UNC5A: variants seen among roughly 807,000 people sequenced by gnomAD.
UNC5A encodes unc-5 netrin receptor A.
Under a neutral mutation model 87.4 loss-of-function variants are expected in UNC5A, and 20 were observed. The ratio of observed to expected loss-of-function variants is 0.23; its 90% CI spans 0.16 to 0.33. UNC5A has a LOEUF of 0.33. Among genes scored for constraint, UNC5A ranks in the 10% least tolerant of loss-of-function variants. The pLI is 1.00. For synonymous variants in UNC5A, 438 were observed against 482.3 expected, an observed-to-expected ratio of 0.91 and a Z score of 1.20; for missense variants, 844 against 1,133.4, an observed-to-expected ratio of 0.74 and a Z score of 3.67.
intron 1 of UNC5A, among the ~76,000 whole-genome samples, chr5:176,835,292 G>A (rs1192942781): frequency 6.6e-6 from 1 of 152,246 alleles, no homozygotes; most frequent in Non-Finnish European, 1.5e-5. Flanking sequence ...AGCAGGCCCT[G>A]GGGGCTCAGG....
At chr5:176,836,037 C>T (rs1036695352) in intron 1 of UNC5A, among the ~76,000 whole-genome samples, 4 of 152,140 alleles carry the variant, frequency 2.6e-5, no homozygotes, top group Admixed American at 1.3e-4. Flanking sequence ...GCAGTTAAAT[C>T]GAAACTCTCC....
intron 1 of UNC5A, among the ~76,000 whole-genome samples, chr5:176,829,584 A>G (rs552972297): frequency 7.0e-6 from 1 of 142,796 alleles, no homozygotes; most frequent in East Asian, 2.2e-4. Context: ...ATGGATGGAT[A>G]AAGTAGGTGG....
At chr5:176,853,875 C>T (rs1274203053) in intron 1 of UNC5A, among the ~76,000 whole-genome samples, 2 of 152,076 alleles carry the variant, frequency 1.3e-5, no homozygotes, top group African/African-American at 4.8e-5. Context: ...ACCAAGGGGA[C>T]GGGAAGGGGA....
chr5:176,835,345 C>A (rs1002515979), intron 1 of UNC5A, among the ~76,000 whole-genome samples: 1 of 152,208 alleles, frequency 6.6e-6, no homozygotes, highest in Admixed American at 6.5e-5. Flanking sequence ...GAACAGAGGC[C>A]GCTTGCCCAG....
rs1477007386 is a variant in UNC5A at position 176,875,845 on chromosome 5, G to T, written c.1378+1279G>T. On this transcript the variant is annotated intron_variant, in intron 8 of 14. Transcript: ENST00000329542. This position sits in a 1 kb window ranked among gnomAD's most constrained non-coding sequence, Gnocchi z 5.2. Reference sequence around the variant, plus strand: ...CTGCCCCTCCCACCAGCTCAGCTGGGACTTCTCTTTTGGGTCCCCGCCTGA... The same window carrying T: ...CTGCCCCTCCCACCAGCTCAGCTGGTACTTCTCTTTTGGGTCCCCGCCTGA... Among the ~76,000 whole-genome samples, 1 of 152,222 alleles carries T rather than the reference G, an allele frequency of 6.6e-6. No individual in the cohort carries two copies. Among genetic ancestry groups the T allele is most frequent in the Non-Finnish European group, 1.5e-5 (1 of 68,038 alleles).
intron 1 of UNC5A, among the ~76,000 whole-genome samples, chr5:176,817,018 A>G (rs1207556777): frequency 6.6e-6 from 1 of 152,178 alleles, no homozygotes; most frequent in Non-Finnish European, 1.5e-5. Flanking sequence ...GGGGAGCCAC[A>G]CAGAGCTCTG....
At position 176,837,151 on chromosome 5, in the gene UNC5A, T is replaced by A. The variant is rs572360255; in HGVS notation, c.71-25473T>A. Among the ~76,000 whole-genome samples the A allele has an allele frequency of 2.0e-5, 3 of 152,188 alleles. No individual in the cohort carries two copies. In the South Asian group the frequency reaches 6.2e-4, roughly 32 times the overall value. On this transcript the variant is annotated intron_variant, in intron 1 of 14. Transcript: ENST00000329542. Reference sequence around the variant, plus strand: ...CCCCATTGCTGCTCCCATAGCCCCTTTAAACTCCATGCTGTGGAGTTCCCC... The same window carrying A: ...CCCCATTGCTGCTCCCATAGCCCCTATAAACTCCATGCTGTGGAGTTCCCC...
rs534732272 is a variant in UNC5A, at chr5:176,833,632, A to C, written c.70+22812A>C. On this transcript the variant is annotated intron_variant, in intron 1 of 14. Transcript: ENST00000329542. ...CAGCTTCCTCTCCCTGACAGGTTCA[A>C]GCATAGCCCATGAGTCTCTGCCCTT... is the stretch of plus-strand genomic sequence containing the variant. Among the ~76,000 whole-genome samples, 4 of 152,260 alleles carry C rather than the reference A, an allele frequency of 2.6e-5. No homozygotes were observed. The South Asian group carries it at 8.3e-4, about 32-fold the overall frequency.
At chr5:176,836,038 G>A (rs561251638) in intron 1 of UNC5A, among the ~76,000 whole-genome samples, 1 of 152,276 alleles carries the variant, frequency 6.6e-6, no homozygotes, top group East Asian at 1.9e-4. Flanking sequence ...CAGTTAAATC[G>A]AAACTCTCCT....
chr5:176,813,783 G>A (rs1200687042), intron 1 of UNC5A, among the ~76,000 whole-genome samples: 1 of 152,258 alleles, frequency 6.6e-6, no homozygotes, highest in Non-Finnish European at 1.5e-5. Context: ...GCAGGCTGGA[G>A]CTCCGAGGCT....
intron 1 of UNC5A, among the ~76,000 whole-genome samples, chr5:176,845,249 G>A (rs1314492569): frequency 6.6e-6 from 1 of 152,080 alleles, no homozygotes; most frequent in Admixed American, 6.5e-5. Flanking sequence ...CAGAGCCCTC[G>A]CTCCAGAGCT....
intron 1 of UNC5A, among the ~76,000 whole-genome samples, chr5:176,847,717 T>C (rs1353837809): frequency 1.3e-5 from 2 of 151,978 alleles, no homozygotes; most frequent in African/African-American, 4.9e-5. Flanking sequence ...GCCCACAGTA[T>C]ATTTTTATTA....
In UNC5A at chr5:176,877,177, T is replaced by C; in HGVS notation, c.1379-15T>C. 1 of 1,603,494 alleles carries C rather than the reference T, an allele frequency of 6.2e-7. No individual in the cohort carries two copies. The highest frequency in any genetic ancestry group is 2.2e-5 in the East Asian group (1 of 44,814). ...TGGCAGTGGGTAAGCCCTGGCCCTC[T>C]TCCTGCCGTTCCAGGAATCAGCCTC... is the stretch of plus-strand genomic sequence containing the variant. On this transcript the variant is annotated splice_polypyrimidine_tract_variant and intron_variant, in intron 8 of 14. Coordinates refer to ENST00000329542, the MANE Select transcript of UNC5A (RefSeq NM_133369.3).
chr5:176,872,942 C>A (rs1581277381), intron 6 of UNC5A, among the ~76,000 whole-genome samples: 2 of 125,894 alleles, frequency 1.6e-5, no homozygotes, highest in African/African-American at 3.1e-5. Flanking sequence ...CCACAGCTTC[C>A]CATCTGCCCA....
At chr5:176,856,665 CTT>C (rs1211292193) in intron 1 of UNC5A, among the ~76,000 whole-genome samples, 1 of 152,190 alleles carries the variant, frequency 6.6e-6, no homozygotes, top group East Asian at 1.9e-4. Flanking sequence ...GAGGCGACAA[CTT>C]TGCTGACATT....
intron 1 of UNC5A, among the ~76,000 whole-genome samples, chr5:176,830,705 C>T (rs1470558136): frequency 4.5e-4 from 35 of 78,386 alleles, no homozygotes; most frequent in African/African-American, 1.7e-3. Context: ...TGTGCACTGG[C>T]GCGTGTGTGT....
chr5:176,819,988 C>T (rs1339345174), intron 1 of UNC5A, among the ~76,000 whole-genome samples: 2 of 152,252 alleles, frequency 1.3e-5, no homozygotes, highest in African/African-American at 2.4e-5. Context: ...CCAGGCCGGG[C>T]GCGGTGGCTC....
chr5:176,815,041 G>A (rs1414252887), intron 1 of UNC5A, among the ~76,000 whole-genome samples: 1 of 152,220 alleles, frequency 6.6e-6, no homozygotes, highest in African/African-American at 2.4e-5. Context: ...TGTATGGACA[G>A]CAAACCAGCT....
At chr5:176,842,027 T>C (rs994501561) in intron 1 of UNC5A, among the ~76,000 whole-genome samples, 12 of 151,920 alleles carry the variant, frequency 7.9e-5, no homozygotes, top group Non-Finnish European at 1.3e-4. Context: ...GAAACCCCGT[T>C]TCTACTAAAA....
Sources: allele counts gnomAD v4.1 joint callset (sites outside exome capture counted in the v4.1 genomes callset), GRCh38; gene constraint gnomAD v4.1.1; non-coding constraint Gnocchi (gnomAD v3.1); transcripts MANE v1.5; gene names NCBI Gene and HGNC (gene_info 2026-07-23, HGNC 2026-07-21).